LHX3: variants seen among roughly 807,000 people sequenced by gnomAD.
The protein encoded by LHX3 is LIM/homeobox protein Lhx3.
A neutral mutation model predicts 32.4 loss-of-function variants in LHX3; 21 were observed. The ratio of observed to expected loss-of-function variants is 0.65; its 90% CI spans 0.46 to 0.93. LHX3 has a LOEUF of 0.93. Among genes scored for constraint, LHX3 ranks in the 40% least tolerant of loss-of-function variants. The pLI is 0.00. For synonymous variants in LHX3, 258 were observed against 246.8 expected, an observed-to-expected ratio of 1.05 and a Z score of -0.43; for missense variants, 626 against 560.0, an observed-to-expected ratio of 1.12 and a Z score of -1.19.
intron 1 of LHX3, among the ~76,000 whole-genome samples, chr9:136,202,608 C>G (rs998094602): frequency 6.6e-6 from 1 of 152,112 alleles, no homozygotes; most frequent in African/African-American, 2.4e-5. Flanking sequence ...TCTTGGGGAC[C>G]CTCCTGTCCC....
At chr9:136,199,121 C>T in intron 3 of LHX3, 62 bp from the exon 4 acceptor site, 2 of 1,031,628 alleles carry the variant, frequency 1.9e-6, no homozygotes, top group Non-Finnish European at 2.5e-6. Context: ...ACCCCCAGCC[C>T]TCCCACCCCG....
In LHX3 at chr9:136,197,546, G is replaced by C. The variant is rs891505256; in HGVS notation, c.973C>G (p.Gln325Glu). The C allele has an allele frequency of 1.3e-6, 2 of 1,528,326 alleles. No homozygotes were observed. The highest frequency in any genetic ancestry group is 1.8e-6 in the Non-Finnish European group (2 of 1,133,876). 94.7% of individuals were successfully genotyped at this position (1,528,326 alleles called of 1,614,324 possible). A position where few individuals can be genotyped will look rare whatever the true frequency, so the allele number is the denominator to read the frequency against. Residue 325 changes from glutamine to glutamate, a missense_variant, in exon 6 of 6, where the codon CAG (glutamine) becomes GAG (glutamate). By Grantham distance (29) the Gln-to-Glu change is conservative. Coordinates refer to ENST00000371748, the MANE Select transcript of LHX3 (RefSeq NM_178138.6). ...AGGGGCTGGGGGCCAGGGAGGCTCT[G>C]CGGGGCGGCGGGGGATGGGGGGACA... ...YGVPPSPAAP[Q>E]SLPGPQPLLS...
intron 1 of LHX3, chr9:136,201,046 A>G: frequency 9.0e-7 from 1 of 1,116,684 alleles, no homozygotes; most frequent in African/African-American, 1.6e-5. Context: ...ATACTCAATT[A>G]CAAAATGTTG....
At chr9:136,199,930 C>A in intron 2 of LHX3, 50 bp from the exon 3 acceptor site, 1 of 1,532,208 alleles carries the variant, frequency 6.5e-7, no homozygotes, top group Non-Finnish European at 8.8e-7. Flanking sequence ...AGGCTCATTT[C>A]GCCCCGAGCG....
chr9:136,201,553 C>T, intron 1 of LHX3: 3 of 1,093,186 alleles, frequency 2.7e-6, no homozygotes, highest in Non-Finnish European at 3.3e-6. Flanking sequence ...CTGAGGACTC[C>T]CTCTTCACTT....
intron 1 of LHX3, chr9:136,202,830 C>T: frequency 8.1e-7 from 1 of 1,233,478 alleles, no homozygotes; most frequent in Non-Finnish European, 1.1e-6. Context: ...GTTCCGGGGT[C>T]CTCGCGCCCA....
chr9:136,201,666 T>A, intron 1 of LHX3: 1 of 989,276 alleles, frequency 1.0e-6, no homozygotes, highest in Non-Finnish European at 1.2e-6. Flanking sequence ...CTCCAGCCCA[T>A]CTCCCAGTGG....
chr9:136,201,940 G>A (rs1831649316), intron 1 of LHX3, among the ~76,000 whole-genome samples: 1 of 151,938 alleles, frequency 6.6e-6, no homozygotes, highest in African/African-American at 2.4e-5. Context: ...CAGCGCCTCG[G>A]CCGCAGCTCG....
chr9:136,198,833 CG>C lies in LHX3; in HGVS notation c.607-14del, dbSNP rs777557875. On this transcript the variant is annotated splice_polypyrimidine_tract_variant and intron_variant, in intron 4 of 5. Transcript: ENST00000371748. ...TCTGGAACCAAACCTGGGGGCGGGG[CG>C]GGGTGAGCGGCCGCCCGGCTCTGCG... 1.9e-6 allele frequency: 3 copies of C among 1,596,516 alleles called. No individual in the cohort carries two copies. Among genetic ancestry groups the C allele is most frequent in the Non-Finnish European group, 2.6e-6 (3 of 1,173,526 alleles).
intron 1 of LHX3, chr9:136,201,378 G>A (rs1040066349): frequency 2.4e-6 from 3 of 1,238,964 alleles, no homozygotes; most frequent in Non-Finnish European, 3.0e-6. Flanking sequence ...AGGCGTGGGT[G>A]CCCCCAACAC....
intron 1 of LHX3, 132 bp downstream of exon 1, chr9:136,204,802 G>T: frequency 2.6e-6 from 2 of 767,410 alleles, no homozygotes; most frequent in East Asian, 2.7e-5. Context: ...ACTCTCTGCA[G>T]TTTCCATCTC....
Position 136,204,939 on chromosome 9 carries a change from G to T in LHX3, c.74C>A (p.Thr25Asn). Residue 25 changes from threonine to asparagine, a missense_variant, in exon 1 of 6, where the codon ACT becomes AAT. By Grantham distance (65) the Thr-to-Asn change is moderately conservative (BLOSUM62 0). Coordinates refer to ENST00000371748, the MANE Select transcript of LHX3 (RefSeq NM_178138.6). ...AGTGTCCTGCTGGGGCTTACCCCGA[G>T]TCCCGCCCAAGGTGCAGACGGCGGC... The part of the protein sequence containing the change: ...GAAAVCTLGG[T>N]REIPLCAGCD... 6.2e-7 allele frequency: 1 copy of T among 1,600,072 alleles called. No individual in the cohort carries two copies.
chr9:136,200,719 G>T lies in LHX3; in HGVS notation c.114C>A (p.Ile38=). ...GAGCCTTGAGGATGAAGCGGTCCAG[G>T]ATGTGCTGGTCACAGCCAGCGCACA... ...IPLCAGCDQH[I]LDRFILKALD... is the part of the protein sequence containing the mutation. Residue 38 remains isoleucine, a synonymous_variant, in exon 2 of 6, where the codon ATC becomes ATA. Transcript: ENST00000371748. 3.1e-6 allele frequency: 5 copies of T among 1,613,546 alleles called. No homozygotes were observed. Among genetic ancestry groups the T allele is most frequent in the Non-Finnish European group, 4.2e-6 (5 of 1,180,022 alleles).
At chr9:136,200,019 G>T in intron 2 of LHX3, 139 bp from the exon 3 acceptor site, 1 of 888,048 alleles carries the variant, frequency 1.1e-6, no homozygotes, top group Non-Finnish European at 1.8e-6. Flanking sequence ...GTGGTCGCCA[G>T]CCTGGCCGCC....
Position 136,198,750 on chromosome 9 carries a change from T to C in LHX3, c.677A>G (p.Gln226Arg), listed in dbSNP as rs769522651. 9.9e-6 allele frequency: 16 copies of C among 1,611,296 alleles called. No homozygotes were observed. The African/African-American group carries it at 2.0e-4, about 20-fold the overall frequency. Residue 226 changes from glutamine to arginine, a missense_variant, in exon 5 of 6, where the codon CAG becomes CGG. Gln to Arg is a conservative substitution (Grantham distance 43, BLOSUM62 1). Coordinates refer to ENST00000371748, the MANE Select transcript of LHX3 (RefSeq NM_178138.6). ...KKDAGRQRWG[Q>R]YFRNMKRSRG... Reference sequence around the variant, plus strand: ...GGAGCGCTTCATGTTGCGGAAATACTGCCCCCAGCGCTGCCGGCCGGCGTC... The same window carrying C: ...GGAGCGCTTCATGTTGCGGAAATACCGCCCCCAGCGCTGCCGGCCGGCGTC...
intron 1 of LHX3, chr9:136,201,540 G>C (rs1193690635): frequency 2.7e-6 from 3 of 1,119,606 alleles, no homozygotes; most frequent in Non-Finnish European, 2.2e-6. Context: ...CAGGTGTCAA[G>C]GGCTGAGGAC....
intron 1 of LHX3, among the ~76,000 whole-genome samples, chr9:136,203,752 G>A (rs1251321910): frequency 1.3e-5 from 2 of 152,242 alleles, no homozygotes; most frequent in Non-Finnish European, 2.9e-5. Context: ...AAGACCTCGG[G>A]TCGTGAGGGG....
chr9:136,203,691 G>A (rs1831699440), intron 1 of LHX3, among the ~76,000 whole-genome samples: 2 of 152,234 alleles, frequency 1.3e-5, no homozygotes, highest in Admixed American at 6.5e-5. Flanking sequence ...GGCTCAGGGA[G>A]GAAGGGCAAT....
At chr9:136,200,388 C>T in intron 2 of LHX3, 194 bp downstream of exon 2, 1 of 632,344 alleles carries the variant, frequency 1.6e-6, no homozygotes, top group Non-Finnish European at 2.8e-6. Flanking sequence ...GCCCAGCCAC[C>T]CAGGGAGCAC....
Sources: allele counts gnomAD v4.1 joint callset (sites outside exome capture counted in the v4.1 genomes callset), GRCh38; gene constraint gnomAD v4.1.1; transcripts MANE v1.5; gene names NCBI Gene and HGNC (gene_info 2026-07-23, HGNC 2026-07-21).